TRAPPC6B: variants seen among roughly 807,000 people sequenced by gnomAD.
TRAPPC6B encodes trafficking protein particle complex subunit 6B.
A neutral mutation model predicts 24.7 loss-of-function variants in TRAPPC6B; 27 were observed. That is an observed-to-expected ratio of 1.09 (90% CI 0.81 to 1.51). TRAPPC6B has a LOEUF of 1.51. Among genes scored for constraint, TRAPPC6B ranks in the 40% most tolerant of loss-of-function variants. TRAPPC6B has a pLI of 0.00. For missense variants in TRAPPC6B, 212 were observed against 190.8 expected, an observed-to-expected ratio of 1.11 and a Z score of -0.66; for synonymous variants, 80 against 66.6, an observed-to-expected ratio of 1.20 and a Z score of -0.98.
chr14:39,157,776 T>C (rs2053001279), intron 3 of TRAPPC6B: 1 of 236,202 alleles, frequency 4.2e-6, no homozygotes, highest in South Asian at 6.5e-5. Context: ...GGGGAGGCAA[T>C]GTCCTGGGTC....
At position 39,170,203 on chromosome 14, in the gene TRAPPC6B, G is replaced by T; in HGVS notation, c.-108C>A. 9.7e-7 allele frequency: 1 copy of T among 1,025,708 alleles called. No individual in the cohort carries two copies. The highest frequency in any genetic ancestry group is 1.5e-6 in the Non-Finnish European group (1 of 673,220). 63.5% of individuals were successfully genotyped at this position (1,025,708 alleles called of 1,614,324 possible). The stretch of plus-strand genomic sequence containing the variant: ...GCCGGCGCCGCGGCTCCGTCAGGCC[G>T]CCATTCTATCCCTGTGGCTAAGAGA... On this transcript the variant is annotated 5_prime_UTR_variant, in exon 1 of 6. Transcript: ENST00000330149.
At chr14:39,151,689 A>G (rs1566545126) in intron 5 of TRAPPC6B, 57 bp downstream of exon 5, 1 of 1,320,280 alleles carries the variant, frequency 7.6e-7, no homozygotes, top group Non-Finnish European at 1.1e-6. Flanking sequence ...TTAAAAAAAA[A>G]AACAGACCTG....
intron 1 of TRAPPC6B, among the ~76,000 whole-genome samples, chr14:39,169,730 G>T (rs2053145123): frequency 6.6e-6 from 1 of 152,122 alleles, no homozygotes; most frequent in African/African-American, 2.4e-5. Flanking sequence ...AATAATGGCA[G>T]GGACAACACT....
chr14:39,159,496 C>T lies in TRAPPC6B; in HGVS notation c.136G>A (p.Gly46Arg), dbSNP rs1373295220. ...CAACCTGCTCACCTTTCTATCAATC[C>T]TTGTCCCACTCGAAACCCCATGTTT... ...LENMGFRVGQ[G>R]LIERFTKDTA... Residue 46 changes from glycine to arginine, a missense_variant, in exon 2 of 6, where the codon GGA becomes AGA. Transcript: ENST00000330149. The T allele has an allele frequency of 6.2e-7, 1 of 1,604,404 alleles. No individual in the cohort carries two copies. Among genetic ancestry groups the T allele is most frequent in the South Asian group, 1.1e-5 (1 of 89,584 alleles).
chr14:39,164,083 T>C (rs2053084224), intron 1 of TRAPPC6B, among the ~76,000 whole-genome samples: 1 of 143,564 alleles, frequency 7.0e-6, no homozygotes, highest in African/African-American at 3.0e-5. Context: ...CCTTATCATT[T>C]CTCTCCTGGT....
rs188136397 is a variant in TRAPPC6B at position 39,163,320 on chromosome 14, G to A, written c.82-3770C>T. Among the ~76,000 whole-genome samples, 5 of 147,486 alleles carry A rather than the reference G, an allele frequency of 3.4e-5. No homozygotes were observed. In the East Asian group the frequency reaches 5.9e-4, roughly 17 times the overall value. On this transcript the variant is annotated intron_variant, in intron 1 of 5. Transcript: ENST00000330149. ...CAGGAGGCAGAGATTGCAGCGAGCC[G>A]AGATCATGCCACTGCACTCCAGTCT... is the stretch of plus-strand genomic sequence containing the variant.
intron 3 of TRAPPC6B, among the ~76,000 whole-genome samples, chr14:39,154,524 A>G (rs1332240517): frequency 6.6e-6 from 1 of 152,014 alleles, no homozygotes; most frequent in Non-Finnish European, 1.5e-5. Context: ...GACTCAATCA[A>G]TCCTCCCACC....
intron 1 of TRAPPC6B, among the ~76,000 whole-genome samples, chr14:39,163,416 G>T (rs1417084701): frequency 6.7e-6 from 1 of 149,912 alleles, no homozygotes; most frequent in African/African-American, 2.5e-5. Context: ...GCATCACATG[G>T]GAACTTGCAA....
chr14:39,160,808 G>A (rs1259658111), intron 1 of TRAPPC6B, among the ~76,000 whole-genome samples: 2 of 152,142 alleles, frequency 1.3e-5, no homozygotes, highest in African/African-American at 2.4e-5. Context: ...AGTAACAGCC[G>A]ATGTTGGTAG....
rs1266507966 is a variant in TRAPPC6B at position 39,154,275 on chromosome 14, T to C, written c.287A>G (p.Asp96Gly). ...TNHQGIYVLQ[D>G]NKFRLLTQMS... Reference sequence around the variant, plus strand: ...CTGAGTAAGCAGGCGAAATTTGTTGTCCTGAAGTACATAGATGCCCTGTTC... The same window carrying C: ...CTGAGTAAGCAGGCGAAATTTGTTGCCCTGAAGTACATAGATGCCCTGTTC... Residue 96 changes from aspartate (D) to glycine (G), a missense_variant, in exon 4 of 6, where the codon GAC becomes GGC. By Grantham distance (94) the Asp-to-Gly change is moderately conservative (BLOSUM62 -1). Coordinates refer to ENST00000330149, the MANE Select transcript of TRAPPC6B (RefSeq NM_001079537.2). The C allele has an allele frequency of 6.2e-7, 1 of 1,612,898 alleles. No homozygotes were observed. Among genetic ancestry groups the C allele is most frequent in the Non-Finnish European group, 8.5e-7 (1 of 1,179,202 alleles).
intron 1 of TRAPPC6B, among the ~76,000 whole-genome samples, chr14:39,163,447 A>G (rs2053079214): frequency 6.6e-6 from 1 of 150,376 alleles, no homozygotes; most frequent in Non-Finnish European, 1.5e-5. Context: ...CCCACTCCCA[A>G]TTTACTTAAT....
At chr14:39,152,549 C>T (rs957726987) in intron 4 of TRAPPC6B, among the ~76,000 whole-genome samples, 4 of 151,978 alleles carry the variant, frequency 2.6e-5, no homozygotes, top group South Asian at 2.1e-4. Flanking sequence ...ACATTATCTA[C>T]GAATAATATA....
intron 1 of TRAPPC6B, among the ~76,000 whole-genome samples, chr14:39,165,816 T>C (rs1594545318): frequency 6.6e-6 from 1 of 152,142 alleles, no homozygotes; most frequent in South Asian, 2.1e-4. Context: ...CTCTCTGTTT[T>C]TTTTTGAGAC....
At chr14:39,151,861 A>ATCACGCCTGTAATCCCAGCACTTTGGG in intron 4 of TRAPPC6B, 22 bp from the exon 5 acceptor site, 2 of 1,497,278 alleles carry the variant, frequency 1.3e-6, no homozygotes, top group East Asian at 4.6e-5. Flanking sequence ...AAAAATCATT[A>ATCACGCCTGTAATCCCAGCACTTTGGG]AAAATAGTAA....
At chr14:39,161,651 G>C (rs1157990695) in intron 1 of TRAPPC6B, among the ~76,000 whole-genome samples, 2 of 152,132 alleles carry the variant, frequency 1.3e-5, no homozygotes, top group Non-Finnish European at 2.9e-5. Flanking sequence ...GGATGTCTTT[G>C]GGCATGAGAG....
intron 1 of TRAPPC6B, among the ~76,000 whole-genome samples, chr14:39,164,472 A>G (rs903283617): frequency 2.9e-4 from 44 of 150,430 alleles, no homozygotes; most frequent in African/African-American, 1.1e-3. Context: ...AGCCTGGGCA[A>G]TAACAGTGAA....
At chr14:39,154,937 A>T (rs940683658) in intron 3 of TRAPPC6B, among the ~76,000 whole-genome samples, 1 of 152,098 alleles carries the variant, frequency 6.6e-6, no homozygotes. Context: ...TTGTATAGTT[A>T]TTTATTTAGA....
In TRAPPC6B at chr14:39,149,494, C is replaced by G. The variant is rs1166074825; in HGVS notation, c.*856G>C. On this transcript the variant is annotated 3_prime_UTR_variant, in exon 6 of 6. Transcript: ENST00000330149. ...TGGTAAGAAAGATATATCAGATGAG[C>G]ACTGACCCCAAACCACTAAGATGAT... is the stretch of plus-strand genomic sequence containing the variant. 2 of 152,146 alleles carry G rather than the reference C, an allele frequency of 1.3e-5. No individual in the cohort carries two copies. Among genetic ancestry groups the G allele is most frequent in the Non-Finnish European group, 2.9e-5 (2 of 68,026 alleles). 9.4% of individuals were successfully genotyped at this position (152,146 alleles called of 1,614,324 possible). A position where few individuals can be genotyped will look rare whatever the true frequency, so the allele number is the denominator to read the frequency against.
intron 1 of TRAPPC6B, among the ~76,000 whole-genome samples, chr14:39,168,822 C>T (rs911080861): frequency 6.6e-6 from 1 of 152,134 alleles, no homozygotes; most frequent in African/African-American, 2.4e-5. Flanking sequence ...CAGTGACTCC[C>T]GTAATAAAGG....
Sources: gnomAD v4.1 joint callset for allele counts (sites outside exome capture counted in the v4.1 genomes callset) on GRCh38, gnomAD v4.1.1 for gene constraint, MANE v1.5 for transcripts, NCBI Gene and HGNC (gene_info 2026-07-23, HGNC 2026-07-21) for gene names.